EIF4G1: variants seen among roughly 807,000 people sequenced by gnomAD.
EIF4G1 encodes EIF4-gamma.
A neutral mutation model predicts 187.8 loss-of-function variants in EIF4G1; 4 were observed. The ratio of observed to expected loss-of-function variants is 0.02; its 90% CI spans 0.01 to 0.05. The LOEUF (loss-of-function observed/expected upper bound fraction) is 0.05. Among genes scored for constraint, EIF4G1 ranks in the 10% least tolerant of loss-of-function variants. The pLI is 1.00. For synonymous variants in EIF4G1, 844 were observed against 781.4 expected (o/e 1.08, Z -1.34); for missense variants, 1,647 against 2,081.1 (o/e 0.79, Z 4.06).
rs766831469 is a variant in EIF4G1, at chr3:184,332,034, A to G, written c.4566A>G (p.Leu1522=). ...QKYLCDEQKE[L]QALYALQALV... is the part of the protein sequence containing the mutation. The stretch of plus-strand genomic sequence containing the variant: ...ACCTGTGTGACGAGCAGAAGGAGCT[A>G]CAGGCGCTCTACGCCCTCCAGGCCC... Residue 1522 remains leucine, a synonymous_variant, in exon 32 of 33, where the codon CTA becomes CTG. Transcript: ENST00000346169. 1 of 1,614,222 alleles carries G rather than the reference A, an allele frequency of 6.2e-7. No individual in the cohort carries two copies. Among genetic ancestry groups the G allele is most frequent in the South Asian group, 1.1e-5 (1 of 91,086 alleles).
Position 184,325,423 on chromosome 3 carries a change from A to G in EIF4G1, c.2961+50A>G. On this transcript the variant is annotated intron_variant, in intron 19 of 32. Transcript: ENST00000346169. This position sits in a 1 kb window ranked among gnomAD's most constrained non-coding sequence, Gnocchi z 5.2. ...GCCAGCCTGCTGCCTCCAGTTTCTG[A>G]CACTGCCTTGTCTTGCCTTCCCTGA... is the stretch of plus-strand genomic sequence containing the variant. 6.2e-7 allele frequency: 1 copy of G among 1,614,074 alleles called. No homozygotes were observed. The highest frequency in any genetic ancestry group is 8.5e-7 in the Non-Finnish European group (1 of 1,179,994).
intron 12 of EIF4G1, 30 bp downstream of exon 12, chr3:184,322,760 T>C: frequency 6.2e-7 from 1 of 1,614,192 alleles, no homozygotes; most frequent in Non-Finnish European, 8.5e-7. Context: ...GAGAATGGCT[T>C]GAGTTTTCTT....
At position 184,324,297 on chromosome 3, in the gene EIF4G1, G is replaced by A. The variant is rs1376209841; in HGVS notation, c.2569G>A (p.Asp857Asn). The change falls in exon 17 of 33, where the codon GAT becomes AAT. Residue 857 changes from aspartate to asparagine, a missense_variant. Asp to Asn is a conservative substitution (Grantham distance 23). Coordinates refer to ENST00000346169, the MANE Select transcript of EIF4G1 (RefSeq NM_198241.3). ...GAAGGAGTTTGAGAAAGACAAAGATGATGATGAGGTTTTTGAGAAGAAGCA... is the reference window on the plus strand; with the variant it reads ...GAAGGAGTTTGAGAAAGACAAAGATAATGATGAGGTTTTTGAGAAGAAGCA... ...CQKEFEKDKD[D>N]DEVFEKKQKE... 3 of 1,614,224 alleles carry A rather than the reference G, an allele frequency of 1.9e-6. No individual in the cohort carries two copies. The highest frequency in any genetic ancestry group is 1.7e-5 in the Admixed American group (1 of 60,024).
chr3:184,317,390 C>G lies in EIF4G1; in HGVS notation c.217C>G (p.Arg73Gly). The change falls in exon 5 of 33, where the codon CGC becomes GGC. Residue 73 changes from arginine (R) to glycine (G), a missense_variant. Transcript: ENST00000346169. ...CCGAGTGCAGAGTGCAGCCCCTGCC[C>G]GCCCTGGCCCAGCTGCCCATGTCTA... is the stretch of plus-strand genomic sequence containing the variant. ...ASRVQSAAPA[R>G]PGPAAHVYPA... 6.2e-7 allele frequency: 1 copy of G among 1,614,074 alleles called. No individual in the cohort carries two copies. The highest frequency in any genetic ancestry group is 8.5e-7 in the Non-Finnish European group (1 of 1,180,014).
At chr3:184,320,547 T>A (rs768022714) in intron 7 of EIF4G1, 83 bp from the exon 8 acceptor site, 358 of 1,609,886 alleles carry the variant, frequency 2.2e-4, no homozygotes, top group Admixed American at 3.5e-4. Context: ...GGTGGGGAGT[T>A]GGCCCAGAGT....
Position 184,327,459 on chromosome 3 carries a change from G to GGGAGA in EIF4G1, c.3661+15_3661+19dup, listed in dbSNP as rs1415028926. On this transcript the variant is annotated intron_variant, in intron 24 of 32. Transcript: ENST00000346169. ...GTGGGCGGGATGCCGGTGAGAGTCT[G>GGGAGA]GGAGAGGAATGGAGGGAAAGGCATT... 6.2e-7 allele frequency: 1 copy of GGGAGA among 1,613,612 alleles called. No individual in the cohort carries two copies. Among genetic ancestry groups the GGGAGA allele is most frequent in the South Asian group, 1.1e-5 (1 of 91,078 alleles).
Position 184,325,861 on chromosome 3 carries a change from T to C in EIF4G1, c.3132T>C (p.Leu1044=). ...CTCTTTTTGTGTCAGGCCGTGGACTTCCCCTTGTGGATGATGGTGGCTGGA... is the reference window on the plus strand; with the variant it reads ...CTCTTTTTGTGTCAGGCCGTGGACTCCCCCTTGTGGATGATGGTGGCTGGA... ...GPPGPPISRG[L]PLVDDGGWNT... is the part of the protein sequence containing the mutation. Residue 1044 remains leucine, a synonymous_variant, in exon 21 of 33, where the codon CTT becomes CTC. Coordinates refer to ENST00000346169, the MANE Select transcript of EIF4G1 (RefSeq NM_198241.3). The surrounding 1 kb of genome is among the most constrained non-coding windows in gnomAD (Gnocchi z 5.2). 1 of 1,614,090 alleles carries C rather than the reference T, an allele frequency of 6.2e-7. No homozygotes were observed. The highest frequency in any genetic ancestry group is 8.5e-7 in the Non-Finnish European group (1 of 1,180,020).
At chr3:184,333,453 A>G (rs1726528647) in intron 32 of EIF4G1, among the ~76,000 whole-genome samples, 1 of 152,206 alleles carries the variant, frequency 6.6e-6, no homozygotes, top group African/African-American at 2.4e-5. Context: ...CCTGAGATAC[A>G]GCCCCAAGGA....
At chr3:184,316,649 A>G in intron 4 of EIF4G1, 3 of 1,497,628 alleles carry the variant, frequency 2.0e-6, no homozygotes, top group Non-Finnish European at 2.7e-6. Flanking sequence ...TATTGCCTTC[A>G]TTCCCTCCCC....
At position 184,325,879 on chromosome 3, in the gene EIF4G1, T is replaced by C; in HGVS notation, c.3150T>C (p.Gly1050=). ...GTGGACTTCCCCTTGTGGATGATGGTGGCTGGAACACAGTTCCCATCAGCA... is the reference window on the plus strand; with the variant it reads ...GTGGACTTCCCCTTGTGGATGATGGCGGCTGGAACACAGTTCCCATCAGCA... ...ISRGLPLVDD[G]GWNTVPISKG... is the part of the protein sequence containing the mutation. Residue 1050 remains glycine, a synonymous_variant, in exon 21 of 33, where the codon GGT becomes GGC. Coordinates refer to ENST00000346169, the MANE Select transcript of EIF4G1 (RefSeq NM_198241.3). This position sits in a 1 kb window ranked among gnomAD's most constrained non-coding sequence, Gnocchi z 5.2. 7 of 1,614,184 alleles carry C rather than the reference T, an allele frequency of 4.3e-6. No individual in the cohort carries two copies. Among genetic ancestry groups the C allele is most frequent in the Non-Finnish European group, 5.9e-6 (7 of 1,180,040 alleles).
chr3:184,325,725 G>T lies in EIF4G1; in HGVS notation c.3121+86G>T. On this transcript the variant is annotated intron_variant, in intron 20 of 32. Transcript: ENST00000346169. The surrounding 1 kb of genome is among the most constrained non-coding windows in gnomAD (Gnocchi z 5.2). ...TCTGATGACTTCCTGTTAGTGCCAC[G>T]TGTCTGGGCCACTGAGACACCATGA... 6.2e-7 allele frequency: 1 copy of T among 1,611,332 alleles called. No individual in the cohort carries two copies. Among genetic ancestry groups the T allele is most frequent in the Non-Finnish European group, 8.5e-7 (1 of 1,177,592 alleles).
At position 184,323,381 on chromosome 3, in the gene EIF4G1, C is replaced by G; in HGVS notation, c.2089-27C>G. 6.2e-7 allele frequency: 1 copy of G among 1,614,074 alleles called. No homozygotes were observed. The highest frequency in any genetic ancestry group is 8.5e-7 in the Non-Finnish European group (1 of 1,179,974). ...ATTGTGCTGACTAGTTCCATGTCCC[C>G]TCTTGTCTTCATCCCTTGCTTAGCA... On this transcript the variant is annotated intron_variant, in intron 14 of 32. Coordinates refer to ENST00000346169, the MANE Select transcript of EIF4G1 (RefSeq NM_198241.3). The surrounding 1 kb of genome is among the most constrained non-coding windows in gnomAD (Gnocchi z 6.9).
rs1726770071 is a variant in EIF4G1 at position 184,334,524 on chromosome 3, T to C, written c.4619-203T>C. ...AAGCAAGTTTGTAAGGTTTTTCTGATGGCCAAGTGACTCATTGCTGTGCAG... is the reference window on the plus strand; with the variant it reads ...AAGCAAGTTTGTAAGGTTTTTCTGACGGCCAAGTGACTCATTGCTGTGCAG... On this transcript the variant is annotated intron_variant, in intron 32 of 32. Coordinates refer to ENST00000346169, the MANE Select transcript of EIF4G1 (RefSeq NM_198241.3). The surrounding 1 kb of genome is among the most constrained non-coding windows in gnomAD (Gnocchi z 5.8). Among the ~76,000 whole-genome samples, 1 of 152,214 alleles carries C rather than the reference T, an allele frequency of 6.6e-6. No homozygotes were observed. The highest frequency in any genetic ancestry group is 1.5e-5 in the Non-Finnish European group (1 of 68,040).
chr3:184,329,210 C>T, intron 28 of EIF4G1: 2 of 589,712 alleles, frequency 3.4e-6, no homozygotes, highest in Non-Finnish European at 3.0e-6. Context: ...GTCTAAGACC[C>T]TAGGCCTGTG....
rs2108488434 is a variant in EIF4G1 at position 184,322,617 on chromosome 3, G to A, written c.1682G>A (p.Ser561Asn). 6.2e-7 allele frequency: 1 copy of A among 1,614,248 alleles called. No individual in the cohort carries two copies. Among genetic ancestry groups the A allele is most frequent in the South Asian group, 1.1e-5 (1 of 91,088 alleles). The change falls in exon 12 of 33, where the codon AGT (serine) becomes AAT (asparagine). Residue 561 changes from serine (S) to asparagine (N), a missense_variant. Ser to Asn is a conservative substitution (Grantham distance 46, BLOSUM62 1). Transcript: ENST00000346169. ...GSNPGPESEGSGVPPRPEEAD... is the reference protein window; with the variant it reads ...GSNPGPESEGNGVPPRPEEAD... ...AATCCAGGCCCAGAGTCTGAGGGCAGTGGTGTGCCCCCACGTCCTGAGGAA... is the reference window on the plus strand; with the variant it reads ...AATCCAGGCCCAGAGTCTGAGGGCAATGGTGTGCCCCCACGTCCTGAGGAA...
Position 184,331,276 on chromosome 3 carries a change from A to T in EIF4G1, c.4172A>T (p.Lys1391Met), listed in dbSNP as rs1405815434. ...TCTTGTGTTTTCCAGGGTCCTAAAA[A>T]GGTGGGGACGCTGTGGCGAGAAGCC... is the stretch of plus-strand genomic sequence containing the variant. The part of the protein sequence containing the change: ...GLLCKSMGPK[K>M]VGTLWREAGL... The change falls in exon 29 of 33, where the codon AAG becomes ATG. Residue 1391 changes from lysine to methionine, a missense_variant. By Grantham distance (95) the Lys-to-Met change is moderately conservative (BLOSUM62 -1). Transcript: ENST00000346169. 1 of 1,614,206 alleles carries T rather than the reference A, an allele frequency of 6.2e-7. No individual in the cohort carries two copies. The highest frequency in any genetic ancestry group is 8.5e-7 in the Non-Finnish European group (1 of 1,180,034).
chr3:184,320,533 G>T, intron 7 of EIF4G1, 97 bp from the exon 8 acceptor site: 1 of 1,602,740 alleles, frequency 6.2e-7, no homozygotes, highest in South Asian at 1.1e-5. Flanking sequence ...GCTTCCCGCT[G>T]GGGGGTGGGG....
intron 7 of EIF4G1, 96 bp from the exon 8 acceptor site, chr3:184,320,534 G>C (rs546404271): frequency 8.2e-5 from 131 of 1,604,748 alleles, no homozygotes; most frequent in Middle Eastern, 1.9e-4. Context: ...CTTCCCGCTG[G>C]GGGGTGGGGA....
Position 184,321,964 on chromosome 3 carries a change from A to G in EIF4G1, c.1380A>G (p.Glu460=). 2 of 1,613,956 alleles carry G rather than the reference A, an allele frequency of 1.2e-6. No homozygotes were observed. Among genetic ancestry groups the G allele is most frequent in the South Asian group, 1.1e-5 (1 of 91,084 alleles). Residue 460 remains glutamate, a synonymous_variant, in exon 10 of 33, where the codon GAA becomes GAG. Coordinates refer to ENST00000346169, the MANE Select transcript of EIF4G1 (RefSeq NM_198241.3). ...CTCAGGAGGAGGAAATGGAAGAAGA[A>G]GAAGAAGAGGAAGAAGGAGAAGCAG... ...SPAQEEEMEE[E]EEEEEGEAGE...
Sources: gnomAD v4.1 joint callset for allele counts (sites outside exome capture counted in the v4.1 genomes callset) on GRCh38, gnomAD v4.1.1 for gene constraint, Gnocchi (gnomAD v3.1) non-coding constraint, MANE v1.5 for transcripts, NCBI Gene and HGNC (gene_info 2026-07-23, HGNC 2026-07-21) for gene names.